The following THSD4 variants were observed in gnomAD, a reference collection of about 807,000 sequenced individuals.
THSD4 encodes thrombospondin type 1 domain containing 4.
THSD4 carries 69 observed loss-of-function variants against 119.0 expected under a neutral mutation model. The ratio of observed to expected loss-of-function variants is 0.58; its 90% CI spans 0.48 to 0.71. The LOEUF is 0.71. Ranked by LOEUF, THSD4 falls within the 30% of genes least tolerant of loss-of-function variation. The probability of loss-of-function intolerance (pLI) is 0.00; values close to 1 mark genes in which losing one functional copy is unlikely to be tolerated. For missense variants in THSD4, 1,393 were observed against 1,391.1 expected, an observed-to-expected ratio of 1.00 and a Z score of -0.02; for synonymous variants, 524 against 540.4, an observed-to-expected ratio of 0.97 and a Z score of 0.42.
chr15:71,768,894 G>GA (rs142555967), intron 16 of THSD4, among the ~76,000 whole-genome samples: 71,122 of 136,584 alleles, frequency 0.52, 20,511 homozygotes, highest in Non-Finnish European at 0.62. Flanking sequence ...ATTTTTAAAG[G>GA]AAAAAAAATC....
chr15:71,664,697 T>A (rs1411275041), intron 8 of THSD4, among the ~76,000 whole-genome samples: 1 of 152,192 alleles, frequency 6.6e-6, no homozygotes, highest in Non-Finnish European at 1.5e-5. Flanking sequence ...TCTGTGTGTG[T>A]CCATGTCTTC....
chr15:71,125,837 T>C (rs1343597242), intron 1 of THSD4, among the ~76,000 whole-genome samples: 2 of 152,160 alleles, frequency 1.3e-5, no homozygotes, highest in Non-Finnish European at 2.9e-5. Flanking sequence ...GGGAACATGT[T>C]TTTGCTGTGT....
intron 7 of THSD4, among the ~76,000 whole-genome samples, chr15:71,521,212 G>C (rs4776558): frequency 0.44 from 67,572 of 151,960 alleles, 15,417 homozygotes; most frequent in Middle Eastern, 0.6. Context: ...TTTAATTCCA[G>C]TAAATGAACA....
At chr15:71,747,144 C>A in intron 13 of THSD4, 102 bp downstream of exon 13, 1 of 1,349,520 alleles carries the variant, frequency 7.4e-7, no homozygotes, top group Non-Finnish European at 1.0e-6. Context: ...CTGAGTTCCA[C>A]AGGAGGGAAC....
intron 8 of THSD4, among the ~76,000 whole-genome samples, chr15:71,713,915 C>T (rs1038773268): frequency 6.6e-6 from 1 of 152,104 alleles, no homozygotes; most frequent in African/African-American, 2.4e-5. Context: ...CTGTGAGAAG[C>T]TGACTGTCCA....
chr15:71,496,437 C>A (rs2048019204), intron 7 of THSD4, among the ~76,000 whole-genome samples: 1 of 152,072 alleles, frequency 6.6e-6, no homozygotes, highest in African/African-American at 2.4e-5. Flanking sequence ...CAGTGAGGAT[C>A]TTAAGTTCCT....
intron 6 of THSD4, among the ~76,000 whole-genome samples, chr15:71,287,717 A>G (rs1182882702): frequency 6.6e-6 from 1 of 152,240 alleles, no homozygotes; most frequent in East Asian, 1.9e-4. Flanking sequence ...CCAGGAGTCC[A>G]GGACCACTCT....
intron 6 of THSD4, among the ~76,000 whole-genome samples, chr15:71,375,236 T>C (rs923132008): frequency 3.9e-5 from 6 of 152,144 alleles, no homozygotes; most frequent in Admixed American, 3.9e-4. Context: ...TGAGGCAGAG[T>C]ATGTGCATGT....
At chr15:71,604,736 T>G (rs1012181579) in intron 7 of THSD4, among the ~76,000 whole-genome samples, 11 of 152,336 alleles carry the variant, frequency 7.2e-5, no homozygotes, top group African/African-American at 2.6e-4. Flanking sequence ...ATTTACTGTT[T>G]TAAGTTATAC....
intron 4 of THSD4, among the ~76,000 whole-genome samples, chr15:71,225,041 C>G (rs2044004192): frequency 6.6e-6 from 1 of 152,146 alleles, no homozygotes; most frequent in Admixed American, 6.5e-5. Flanking sequence ...TATGATTACT[C>G]AAGCAATAGG....
Position 71,391,328 on chromosome 15 carries a change from A to T in THSD4, c.1016-20359A>T, listed in dbSNP as rs960661729. 2.0e-5 allele frequency among the ~76,000 whole-genome samples: 3 copies of T among 151,916 alleles called. No homozygotes were observed. In the East Asian group the frequency reaches 5.8e-4, roughly 29 times the overall value. ...ACAGGCGTGAGCCACCGCGCCTGGC[A>T]ACTCATGCCGGCTAATTTTAAAATT... On this transcript the variant is annotated intron_variant, in intron 6 of 17. Coordinates refer to ENST00000261862, the MANE Select transcript of THSD4 (RefSeq NM_024817.3).
At chr15:71,264,087 A>G (rs1212724335) in intron 6 of THSD4, among the ~76,000 whole-genome samples, 2 of 152,230 alleles carry the variant, frequency 1.3e-5, no homozygotes, top group African/African-American at 2.4e-5. Flanking sequence ...CACAGACGCC[A>G]TGGTGGGGCA....
At chr15:71,451,875 T>C (rs1385499534) in intron 7 of THSD4, among the ~76,000 whole-genome samples, 3 of 152,152 alleles carry the variant, frequency 2.0e-5, no homozygotes, top group African/African-American at 7.2e-5. Flanking sequence ...TGCTGGTTCG[T>C]GCTGACCAGT....
At chr15:71,321,205 A>G (rs2045262703) in intron 6 of THSD4, among the ~76,000 whole-genome samples, 1 of 152,290 alleles carries the variant, frequency 6.6e-6, no homozygotes, top group East Asian at 1.9e-4. Flanking sequence ...AGCTGGACCT[A>G]AGATCTTCTG....
intron 8 of THSD4, among the ~76,000 whole-genome samples, chr15:71,704,354 G>A (rs1181598066): frequency 6.6e-6 from 1 of 152,180 alleles, no homozygotes; most frequent in East Asian, 1.9e-4. Context: ...GGTCCGGGTG[G>A]GAGGTAATTG....
intron 7 of THSD4, among the ~76,000 whole-genome samples, chr15:71,605,696 G>C (rs2050096683): frequency 6.6e-6 from 1 of 152,208 alleles, no homozygotes; most frequent in Non-Finnish European, 1.5e-5. Context: ...AGTTTCTAGG[G>C]CCTTTTGGAC....
At chr15:71,180,883 A>G (rs2043515429) in intron 3 of THSD4, among the ~76,000 whole-genome samples, 1 of 152,114 alleles carries the variant, frequency 6.6e-6, no homozygotes, top group Non-Finnish European at 1.5e-5. Context: ...AAGAATTCAT[A>G]CATTTACAGT....
intron 6 of THSD4, among the ~76,000 whole-genome samples, chr15:71,349,122 C>T (rs1274914662): frequency 6.6e-6 from 1 of 152,288 alleles, no homozygotes; most frequent in South Asian, 2.1e-4. Flanking sequence ...GACCCAGCTT[C>T]AAATCCCATT....
chr15:71,386,499 GA>G (rs536835881), intron 6 of THSD4, among the ~76,000 whole-genome samples: 160 of 152,278 alleles, frequency 1.1e-3, no homozygotes, highest in African/African-American at 3.4e-3. Flanking sequence ...AGAGAAAAGG[GA>G]AAAGGGGCAT....
Sources: allele counts gnomAD v4.1 joint callset (sites outside exome capture counted in the v4.1 genomes callset), GRCh38; gene constraint gnomAD v4.1.1; transcripts MANE v1.5; gene names NCBI Gene and HGNC (gene_info 2026-07-23, HGNC 2026-07-21).